The following PLEKHM3 variants were observed in gnomAD, a reference collection of about 807,000 sequenced individuals.
PLEKHM3 encodes the protein pleckstrin homology domain containing M3.
PLEKHM3 carries 45 observed loss-of-function variants against 81.8 expected under a neutral mutation model. The observed-to-expected ratio is 0.55, with a 90% CI of 0.43 to 0.71. The LOEUF is 0.71. Ranked by LOEUF, PLEKHM3 falls within the 30% of genes least tolerant of loss-of-function variation. The pLI is 0.00. For missense variants in PLEKHM3, 788 were observed against 924.3 expected (o/e 0.85, Z 1.91); for synonymous variants, 352 against 356.4 (o/e 0.99, Z 0.14).
chr2:207,847,883 C>A (rs752277598), intron 7 of PLEKHM3, among the ~76,000 whole-genome samples: 2 of 152,170 alleles, frequency 1.3e-5, no homozygotes, highest in Non-Finnish European at 2.9e-5. Context: ...AAGCTACTCC[C>A]TCCCTGAAGA....
At chr2:207,944,027 G>A (rs1301299459) in intron 4 of PLEKHM3, among the ~76,000 whole-genome samples, 4 of 152,182 alleles carry the variant, frequency 2.6e-5, no homozygotes, top group Admixed American at 1.3e-4. Context: ...GCAGATAAAA[G>A]TAGGAATTAT....
Position 207,977,503 on chromosome 2 carries a change from A to G in PLEKHM3, c.694T>C (p.Tyr232His), listed in dbSNP as rs372000080. 47 of 1,614,088 alleles carry G rather than the reference A, an allele frequency of 2.9e-5. No individual in the cohort carries two copies. The highest frequency in any genetic ancestry group is 5.0e-5 in the Admixed American group (3 of 60,004). The change falls in exon 3 of 8, where the codon TAT (tyrosine) becomes CAT (histidine). Residue 232 changes from tyrosine (Y) to histidine (H), a missense_variant. By Grantham distance (83) the Tyr-to-His change is moderately conservative (BLOSUM62 2). Coordinates refer to ENST00000427836, the MANE Select transcript of PLEKHM3 (RefSeq NM_001080475.3). Reference protein sequence around the residue: ...KDHDSYWQSCYAELSPYNLYF... With the variant: ...KDHDSYWQSCHAELSPYNLYF... ...AAGTTGTAAGGTGAAAGTTCTGCAT[A>G]ACAGCTTTGCCAGTAACTGTCATGG... is the stretch of plus-strand genomic sequence containing the variant.
At chr2:207,929,950 CA>C (rs1311632993) in intron 5 of PLEKHM3, 4 of 692,786 alleles carry the variant, frequency 5.8e-6, no homozygotes, top group Admixed American at 2.1e-5. Context: ...TCTATTAAAA[CA>C]AAAAAATTAA....
chr2:207,966,507 C>T (rs1187266093), intron 3 of PLEKHM3, among the ~76,000 whole-genome samples: 2 of 152,142 alleles, frequency 1.3e-5, no homozygotes, highest in Non-Finnish European at 2.9e-5. Flanking sequence ...TTGCATGCTA[C>T]GGTTTTTAGC....
chr2:207,880,200 A>T (rs1316650674), intron 6 of PLEKHM3, among the ~76,000 whole-genome samples: 7 of 152,166 alleles, frequency 4.6e-5, no homozygotes, highest in Non-Finnish European at 7.3e-5. Context: ...TGAGGCCAGG[A>T]GTTCGAGACC....
At chr2:207,845,470 G>A (rs2092377300) in intron 7 of PLEKHM3, among the ~76,000 whole-genome samples, 1 of 152,110 alleles carries the variant, frequency 6.6e-6, no homozygotes, top group African/African-American at 2.4e-5. Context: ...GCTAAAAACC[G>A]ACCTAAAAGA....
At chr2:207,852,850 G>GA (rs113047081) in intron 7 of PLEKHM3, 12,688 of 418,576 alleles carry the variant, frequency 0.03, 610 homozygotes, top group African/African-American at 0.15. Context: ...AATTTAAAAA[G>GA]AAAAAAAGAA....
chr2:207,977,254 T>G lies in PLEKHM3; in HGVS notation c.943A>C (p.Met315Leu). Residue 315 changes from methionine to leucine, a missense_variant, in exon 3 of 8, where the codon ATG becomes CTG. Physicochemically the swap from Met to Leu is conservative, Grantham distance 15. Transcript: ENST00000427836. ...ATTGTCAGCTCATTCTGCCGCCCCA[T>G]GTAACCGGGCACAGCAGCATGCACT... ...EVVHAAVPGY[M>L]GRQNELTISP... 1 of 1,614,166 alleles carries G rather than the reference T, an allele frequency of 6.2e-7. No individual in the cohort carries two copies. The highest frequency in any genetic ancestry group is 8.5e-7 in the Non-Finnish European group (1 of 1,180,012).
chr2:207,984,899 C>T (rs1422375798), intron 2 of PLEKHM3, among the ~76,000 whole-genome samples: 2 of 151,084 alleles, frequency 1.3e-5, no homozygotes, highest in African/African-American at 4.9e-5. Flanking sequence ...TTCCTGTTTC[C>T]CATGTTTTCT....
rs11350409 is a variant in PLEKHM3 at position 207,975,582 on chromosome 2, C to CTTTT, written c.1546+1065_1546+1068dup. The stretch of plus-strand genomic sequence containing the variant: ...ATCGGGTTCAGTGAGGTTTTAAAAG[C>CTTTT]TTTTTTTTTTTTTTTTTTTTTTTTT... On this transcript the variant is annotated intron_variant, in intron 3 of 7. Transcript: ENST00000427836. Among the ~76,000 whole-genome samples the CTTTT allele has an allele frequency of 3.7e-4, 23 of 63,010 alleles. 1 individual carries two copies. The highest frequency in any genetic ancestry group is 8.0e-4 in the African/African-American group (12 of 15,060). 41.3% of individuals were successfully genotyped at this position (63,010 alleles called of 152,430 possible).
intron 7 of PLEKHM3, among the ~76,000 whole-genome samples, chr2:207,834,306 T>A (rs1335451321): frequency 6.6e-6 from 1 of 151,924 alleles, no homozygotes; most frequent in Non-Finnish European, 1.5e-5. Flanking sequence ...AATTTTGTAT[T>A]TTTAGTAGAG....
At chr2:207,917,839 A>G (rs1689045524) in intron 5 of PLEKHM3, among the ~76,000 whole-genome samples, 1 of 152,134 alleles carries the variant, frequency 6.6e-6, no homozygotes, top group Non-Finnish European at 1.5e-5. Flanking sequence ...TTGTCTCAAA[A>G]AGAAAAAAAA....
At chr2:207,987,273 A>G (rs1275412707) in intron 2 of PLEKHM3, among the ~76,000 whole-genome samples, 1 of 151,556 alleles carries the variant, frequency 6.6e-6, no homozygotes, top group African/African-American at 2.4e-5. Context: ...TACCAGCCCT[A>G]CTCCCTCCTC....
At chr2:207,947,577 C>T (rs1006759131) in intron 3 of PLEKHM3, among the ~76,000 whole-genome samples, 3 of 152,234 alleles carry the variant, frequency 2.0e-5, no homozygotes, top group Non-Finnish European at 2.9e-5. Context: ...TTCTGGTCTA[C>T]AGCTTTCATT....
intron 1 of PLEKHM3, among the ~76,000 whole-genome samples, chr2:208,003,129 T>C (rs1692369537): frequency 6.6e-6 from 1 of 152,208 alleles, no homozygotes; most frequent in Non-Finnish European, 1.5e-5. Flanking sequence ...GTTATTGTGA[T>C]AGTGAATAAG....
rs147632458 is a variant in PLEKHM3 at position 207,997,275 on chromosome 2, T to C, written c.610+3755A>G. Among the ~76,000 whole-genome samples, 32 of 152,210 alleles carry C rather than the reference T, an allele frequency of 2.1e-4. No individual in the cohort carries two copies. In the East Asian group the frequency reaches 6.2e-3, roughly 29 times the overall value. On this transcript the variant is annotated intron_variant, in intron 2 of 7. Transcript: ENST00000427836. ...CTTTATGCACCCAAAGCAGCACTTATCCTCAGAAAGGCTCAAGAGCCTGGT... is the reference window on the plus strand; with the variant it reads ...CTTTATGCACCCAAAGCAGCACTTACCCTCAGAAAGGCTCAAGAGCCTGGT...
intron 1 of PLEKHM3, among the ~76,000 whole-genome samples, chr2:208,022,048 C>T (rs1693147715): frequency 6.6e-6 from 1 of 151,836 alleles, no homozygotes; most frequent in Admixed American, 6.6e-5. Flanking sequence ...TTGGATGGAC[C>T]CTAGAAGTGG....
intron 6 of PLEKHM3, among the ~76,000 whole-genome samples, chr2:207,864,388 C>T (rs1270481081): frequency 1.3e-5 from 2 of 152,160 alleles, no homozygotes; most frequent in Admixed American, 6.5e-5. Flanking sequence ...CTTTTTAATG[C>T]GTGATGGGGT....
chr2:207,985,757 TG>T (rs1691694272), intron 2 of PLEKHM3, among the ~76,000 whole-genome samples: 1 of 151,916 alleles, frequency 6.6e-6, no homozygotes, highest in Admixed American at 6.6e-5. Flanking sequence ...GAGGCTGAGG[TG>T]GGCGGATCAC....
Sources: allele counts gnomAD v4.1 joint callset (sites outside exome capture counted in the v4.1 genomes callset), GRCh38; gene constraint gnomAD v4.1.1; transcripts MANE v1.5; gene names NCBI Gene and HGNC (gene_info 2026-07-23, HGNC 2026-07-21).